ST3GAL1: variants seen among roughly 807,000 people sequenced by gnomAD.
ST3GAL1 encodes ST3 beta-galactoside alpha-2,3-sialyltransferase 1, also known as CMP-N-acetylneuraminate-beta-galactosamide-alpha-2,3-sialyltransferase 1.
In ST3GAL1, 16 loss-of-function variants were observed where a neutral mutation model predicts 34.1. That is an observed-to-expected ratio of 0.47 (90% CI 0.32 to 0.71). ST3GAL1 has a LOEUF of 0.71. Among genes scored for constraint, ST3GAL1 ranks in the 30% least tolerant of loss-of-function variants. ST3GAL1 has a pLI of 0.04. For missense variants in ST3GAL1, 353 were observed against 447.4 expected, an observed-to-expected ratio of 0.79 and a Z score of 1.90; for synonymous variants, 191 against 184.7, an observed-to-expected ratio of 1.03 and a Z score of -0.28.
At chr8:133,484,342 C>T (rs901151668) in intron 3 of ST3GAL1, among the ~76,000 whole-genome samples, 3 of 152,190 alleles carry the variant, frequency 2.0e-5, no homozygotes, top group South Asian at 4.1e-4. Context: ...TTAACAGATG[C>T]TTAATACACG....
intron 3 of ST3GAL1, among the ~76,000 whole-genome samples, chr8:133,491,502 G>A (rs1816784175): frequency 6.6e-6 from 1 of 152,196 alleles, no homozygotes; most frequent in Non-Finnish European, 1.5e-5. Context: ...AAGGGCTGGA[G>A]GTGTGGCCGC....
At chr8:133,510,203 T>C (rs529957491) in intron 2 of ST3GAL1, among the ~76,000 whole-genome samples, 146 of 152,272 alleles carry the variant, frequency 9.6e-4, no homozygotes, top group African/African-American at 3.5e-3. Flanking sequence ...AAAAATAGAT[T>C]TCAACAACTG....
In ST3GAL1 at chr8:133,475,783, G is replaced by T; in HGVS notation, c.242C>A (p.Thr81Asn). The change falls in exon 5 of 10, where the codon ACC (threonine) becomes AAC (asparagine). Residue 81 changes from threonine (T) to asparagine (N), a missense_variant. Thr to Asn is a moderately conservative substitution (Grantham distance 65). Coordinates refer to ENST00000522652, the MANE Select transcript of ST3GAL1 (RefSeq NM_173344.3). ...SAWFDERFNQ[T>N]MQPLLTAQNA... Reference sequence around the variant, plus strand: ...CTGGGCGGTCAGCAGCGGCTGCATGGTCTGGTTGAACCTCTCATCGAACCA... The same window carrying T: ...CTGGGCGGTCAGCAGCGGCTGCATGTTCTGGTTGAACCTCTCATCGAACCA... 6.2e-7 allele frequency: 1 copy of T among 1,613,790 alleles called. No individual in the cohort carries two copies. Among genetic ancestry groups the T allele is most frequent in the African/African-American group, 1.3e-5 (1 of 75,026 alleles).
chr8:133,534,224 C>G (rs1818240391), intron 2 of ST3GAL1, among the ~76,000 whole-genome samples: 1 of 152,146 alleles, frequency 6.6e-6, no homozygotes, highest in Non-Finnish European at 1.5e-5. Context: ...ACCCAATCCT[C>G]CAGCACAAAG....
At chr8:133,471,258 T>C (rs1815946204) in intron 5 of ST3GAL1, among the ~76,000 whole-genome samples, 1 of 152,196 alleles carries the variant, frequency 6.6e-6, no homozygotes, top group African/African-American at 2.4e-5. Context: ...GAATGACAAC[T>C]GCTAAAGCTA....
chr8:133,496,144 T>C (rs1413522625), intron 3 of ST3GAL1, among the ~76,000 whole-genome samples: 1 of 152,206 alleles, frequency 6.6e-6, no homozygotes, highest in Non-Finnish European at 1.5e-5. Context: ...TTTGAGCCTT[T>C]CTTAAGAGAA....
rs1380286373 is a variant in ST3GAL1, at chr8:133,540,834, TAGAG to T, written c.-429+4936_-429+4939del. Among the ~76,000 whole-genome samples, 66 of 75,630 alleles carry T rather than the reference TAGAG, an allele frequency of 8.7e-4. 1 individual carries two copies. The highest frequency in any genetic ancestry group is 3.1e-3 in the African/African-American group (63 of 20,356). 49.6% of individuals were successfully genotyped at this position (75,630 alleles called of 152,430 possible). A position where few individuals can be genotyped will look rare whatever the true frequency, so the allele number is the denominator to read the frequency against. The stretch of plus-strand genomic sequence containing the variant: ...AGACATATATATATAGACATATATA[TAGAG>T]AGACATATATATAGAGACATATATA... On this transcript the variant is annotated intron_variant, in intron 2 of 9. Coordinates refer to ENST00000522652, the MANE Select transcript of ST3GAL1 (RefSeq NM_173344.3).
intron 2 of ST3GAL1, among the ~76,000 whole-genome samples, chr8:133,540,990 TAGACATATATATATAGACATATATATGC>T (rs1818489414): frequency 7.3e-6 from 1 of 136,532 alleles, no homozygotes; most frequent in Non-Finnish European, 1.6e-5. Context: ...GACATATATA[TAGACATATATATATAGACATATATATGC>T]AGACATATAT....
At chr8:133,476,168 A>C in intron 4 of ST3GAL1, 94 bp from the exon 5 acceptor site, 1 of 897,080 alleles carries the variant, frequency 1.1e-6, no homozygotes. Flanking sequence ...AAGGGCCGCT[A>C]AGCTCGACTT....
intron 3 of ST3GAL1, among the ~76,000 whole-genome samples, chr8:133,494,015 T>C (rs1816867103): frequency 6.6e-6 from 1 of 152,128 alleles, no homozygotes. Flanking sequence ...TGTCTGAGTG[T>C]GTGTGTGTTA....
Position 133,494,898 on chromosome 8 carries a change from C to A in ST3GAL1, c.-374+4237G>T, listed in dbSNP as rs930019114. ...GAACCATGATGTGTATCGGCCTCTG[C>A]GTTTTTCCTCTATTCTTTTTTTTTT... On this transcript the variant is annotated intron_variant, in intron 3 of 9. Coordinates refer to ENST00000522652, the MANE Select transcript of ST3GAL1 (RefSeq NM_173344.3). Among the ~76,000 whole-genome samples, 7 of 146,500 alleles carry A rather than the reference C, an allele frequency of 4.8e-5. No homozygotes were observed. The East Asian group carries it at 1.3e-3, about 27-fold the overall frequency.
chr8:133,564,971 C>A (rs971933929), intron 1 of ST3GAL1, among the ~76,000 whole-genome samples: 1 of 152,208 alleles, frequency 6.6e-6, no homozygotes, highest in Non-Finnish European at 1.5e-5. Flanking sequence ...GATCTTCTTA[C>A]TTTACTAGGG....
chr8:133,490,723 G>A (rs994733993), intron 3 of ST3GAL1, among the ~76,000 whole-genome samples: 1 of 152,232 alleles, frequency 6.6e-6, no homozygotes, highest in African/African-American at 2.4e-5. Context: ...GAGCTGGATC[G>A]TGGAAGTCCT....
intron 2 of ST3GAL1, among the ~76,000 whole-genome samples, chr8:133,527,849 T>C (rs963060529): frequency 1.3e-5 from 2 of 152,172 alleles, no homozygotes; most frequent in African/African-American, 4.8e-5. Context: ...CCCAGGGGAC[T>C]GAGCCCATTC....
At chr8:133,468,498 G>A (rs1222664598) in intron 5 of ST3GAL1, among the ~76,000 whole-genome samples, 5 of 152,160 alleles carry the variant, frequency 3.3e-5, no homozygotes, top group Admixed American at 6.5e-5. Flanking sequence ...ACTGTTTAAT[G>A]GGGACAGAGT....
At chr8:133,533,632 G>A (rs1818219896) in intron 2 of ST3GAL1, among the ~76,000 whole-genome samples, 1 of 152,164 alleles carries the variant, frequency 6.6e-6, no homozygotes, top group African/African-American at 2.4e-5. Flanking sequence ...ATCCCACTGT[G>A]GCTGTATCCT....
chr8:133,553,549 C>G (rs1201242069), intron 1 of ST3GAL1, among the ~76,000 whole-genome samples: 1 of 152,232 alleles, frequency 6.6e-6, no homozygotes, highest in Admixed American at 6.5e-5. Flanking sequence ...CACTCAGTAC[C>G]TGTGTCTCCT....
chr8:133,519,378 TAC>T (rs1466069248), intron 2 of ST3GAL1, among the ~76,000 whole-genome samples: 1 of 152,106 alleles, frequency 6.6e-6, no homozygotes, highest in Non-Finnish European at 1.5e-5. Context: ...AGAGGCAGGT[TAC>T]ACACAGGCAC....
At chr8:133,486,566 G>A (rs1816608923) in intron 3 of ST3GAL1, among the ~76,000 whole-genome samples, 1 of 152,244 alleles carries the variant, frequency 6.6e-6, no homozygotes, top group Non-Finnish European at 1.5e-5. Flanking sequence ...AAGAGAAACA[G>A]GGCCACAGTG....
Sources: gnomAD v4.1 joint callset for allele counts (sites outside exome capture counted in the v4.1 genomes callset) on GRCh38, gnomAD v4.1.1 for gene constraint, MANE v1.5 for transcripts, NCBI Gene and HGNC (gene_info 2026-07-23, HGNC 2026-07-21) for gene names.